Variants in NRXN2 observed in about 807,000 individuals in gnomAD.
NRXN2 encodes neurexin-2-beta.
Under a neutral mutation model 128.8 loss-of-function variants are expected in NRXN2, and 29 were observed. The observed-to-expected ratio is 0.23, with a 90% CI of 0.17 to 0.31. NRXN2 has a LOEUF of 0.31. Among genes scored for constraint, NRXN2 ranks in the 10% least tolerant of loss-of-function variants. The pLI, the probability that NRXN2 is intolerant of heterozygous loss-of-function variation, is 1.00. For missense variants in NRXN2, 1,881 were observed against 2,452.6 expected (o/e 0.77, Z 4.92); for synonymous variants, 1,098 against 1,075.2 (o/e 1.02, Z -0.41).
rs1242014771 is a variant in NRXN2 at position 64,650,593 on chromosome 11, C to T, written c.2964G>A (p.Met988Ile). 4 of 1,614,190 alleles carry T rather than the reference C, an allele frequency of 2.5e-6. No homozygotes were observed. The highest frequency in any genetic ancestry group is 3.4e-6 in the Non-Finnish European group (4 of 1,180,044). Residue 988 changes from methionine to isoleucine, a missense_variant, in exon 15 of 23, where the codon ATG (methionine) becomes ATA (isoleucine). Met to Ile is a conservative substitution (Grantham distance 10). Transcript: ENST00000265459. Reference sequence around the variant, plus strand: ...TGACTGGTTTGTCTGAGTTCCCCTTCATCAAGGACGGGCCATTCCCCAGGT... The same window carrying T: ...TGACTGGTTTGTCTGAGTTCCCCTTTATCAAGGACGGGCCATTCCCCAGGT... The part of the protein sequence containing the change: ...VFDLGNGPSL[M>I]KGNSDKPVND...
chr11:64,641,788 C>T (rs924155873), intron 17 of NRXN2, among the ~76,000 whole-genome samples: 1 of 151,782 alleles, frequency 6.6e-6, no homozygotes, highest in Non-Finnish European at 1.5e-5. Context: ...AGCCTGGAAA[C>T]GGGAAGTGCT....
chr11:64,694,340 G>A (rs2054213684), intron 3 of NRXN2, among the ~76,000 whole-genome samples: 1 of 152,250 alleles, frequency 6.6e-6, no homozygotes, highest in Non-Finnish European at 1.5e-5. Flanking sequence ...GGGCCAGGAT[G>A]GAAGTAGCAA....
At chr11:64,711,516 C>T (rs60758416) in intron 2 of NRXN2, among the ~76,000 whole-genome samples, 4,555 of 152,170 alleles carry the variant, frequency 0.03, 204 homozygotes, top group African/African-American at 0.1. Flanking sequence ...ACAGCCCCGC[C>T]CCGGGCCGCT....
intron 19 of NRXN2, among the ~76,000 whole-genome samples, chr11:64,629,052 C>T (rs757629693): frequency 6.6e-6 from 1 of 152,184 alleles, no homozygotes; most frequent in South Asian, 2.1e-4. Context: ...TACAAGCCTG[C>T]GTAATTGGTG....
intron 19 of NRXN2, among the ~76,000 whole-genome samples, chr11:64,628,698 T>C (rs1386776858): frequency 6.6e-6 from 1 of 152,236 alleles, no homozygotes; most frequent in East Asian, 1.9e-4. Context: ...GCTACAAAGG[T>C]TGCCCTAGTA....
At position 64,696,528 on chromosome 11, in the gene NRXN2, T is replaced by TACATACACAC. The variant is rs147882738; in HGVS notation, c.748+1246_748+1247insGTGTGTATGT. Among the ~76,000 whole-genome samples the TACATACACAC allele has an allele frequency of 2.2e-5, 3 of 138,864 alleles. No homozygotes were observed. The East Asian group carries it at 6.4e-4, about 29-fold the overall frequency. The allele number at this position is 138,864 out of a possible 152,430, so 91.1% of individuals were successfully genotyped here. A position where few individuals can be genotyped will look rare whatever the true frequency, so the allele number is the denominator to read the frequency against. On this transcript the variant is annotated intron_variant, in intron 3 of 22. Transcript: ENST00000265459. ...ACATACATACCCACACATACATACA[T>TACATACACAC]ACACACACACACACACACACACACA...
At position 64,685,661 on chromosome 11, in the gene NRXN2, G is replaced by C. The variant is rs1387830439; in HGVS notation, c.1137C>G (p.Thr379=). The stretch of plus-strand genomic sequence containing the variant: ...CTCCTCCTACCTGGCGCAGGTTTCG[G>C]GTGACCCGGACGTCGTGCCAGGCGT... ...NDNAWHDVRV[T]RNLRQHAGIG... Residue 379 remains threonine (T), a synonymous_variant, in exon 6 of 23, where the codon ACC becomes ACG. Coordinates refer to ENST00000265459, the MANE Select transcript of NRXN2 (RefSeq NM_015080.4). 3.7e-6 allele frequency: 6 copies of C among 1,614,102 alleles called. No individual in the cohort carries two copies. Among genetic ancestry groups the C allele is most frequent in the Non-Finnish European group, 5.1e-6 (6 of 1,180,062 alleles).
intron 7 of NRXN2, 51 bp from the exon 8 acceptor site, chr11:64,668,655 TC>T (rs1454053580): frequency 6.2e-7 from 1 of 1,605,476 alleles, no homozygotes; most frequent in Non-Finnish European, 8.5e-7. Context: ...CAACATCAAA[TC>T]CCTAGGAAGA....
intron 18 of NRXN2, among the ~76,000 whole-genome samples, chr11:64,633,369 TCTC>T (rs1400219938): frequency 6.6e-6 from 1 of 152,168 alleles, no homozygotes; most frequent in Non-Finnish European, 1.5e-5. Flanking sequence ...ACATAAGTGA[TCTC>T]CTTCAACCTC....
intron 6 of NRXN2, among the ~76,000 whole-genome samples, chr11:64,682,233 C>T (rs1298806843): frequency 6.7e-6 from 1 of 149,052 alleles, no homozygotes; most frequent in Non-Finnish European, 1.5e-5. Context: ...GGGGCAGTCC[C>T]CCATTATTGG....
intron 1 of NRXN2, among the ~76,000 whole-genome samples, chr11:64,722,520 C>T (rs1204589940): frequency 6.6e-6 from 1 of 151,846 alleles, no homozygotes; most frequent in Non-Finnish European, 1.5e-5. Flanking sequence ...TCCCTCTCCA[C>T]TTCTCTCTCT....
Position 64,632,087 on chromosome 11 carries a change from G to A in NRXN2, c.3586-1514C>T, listed in dbSNP as rs1049301296. On this transcript the variant is annotated intron_variant, in intron 18 of 22. Coordinates refer to ENST00000265459, the MANE Select transcript of NRXN2 (RefSeq NM_015080.4). The surrounding 1 kb of genome is among the most constrained non-coding windows in gnomAD (Gnocchi z 4.2). ...ATCTAGCAGAGCCGAGAGGCTTGGT[G>A]GCACTGGGGGTGTTGGCAGGGGTGG... 6.6e-5 allele frequency among the ~76,000 whole-genome samples: 10 copies of A among 152,348 alleles called. No homozygotes were observed. The highest frequency in any genetic ancestry group is 3.4e-3 in the Middle Eastern group (1 of 294).
chr11:64,639,101 T>C (rs890234517), intron 17 of NRXN2, among the ~76,000 whole-genome samples: 2 of 152,208 alleles, frequency 1.3e-5, no homozygotes, highest in Non-Finnish European at 2.9e-5. Flanking sequence ...TCTGAAGCCA[T>C]GAAAGAAAAC....
Position 64,607,984 on chromosome 11 carries a change from G to A in NRXN2, c.4351C>T (p.Pro1451Ser), listed in dbSNP as rs1226709495. Residue 1451 changes from proline (P) to serine (S), a missense_variant, in exon 23 of 23, where the codon CCC (proline) becomes TCC (serine). Pro to Ser is a moderately conservative substitution (Grantham distance 74). Coordinates refer to ENST00000265459, the MANE Select transcript of NRXN2 (RefSeq NM_015080.4). ...PFVPPPPTFYPFLTGVGATQD... is the reference protein window; with the variant it reads ...PFVPPPPTFYSFLTGVGATQD... ...GTGGCGCCCACTCCCGTGAGGAAGGGGTAGAAGGTAGGGGGCGGGGGCACG... is the reference window on the plus strand; with the variant it reads ...GTGGCGCCCACTCCCGTGAGGAAGGAGTAGAAGGTAGGGGGCGGGGGCACG... 1 of 1,544,828 alleles carries A rather than the reference G, an allele frequency of 6.5e-7. No homozygotes were observed. The highest frequency in any genetic ancestry group is 1.2e-5 in the South Asian group (1 of 84,632).
intron 19 of NRXN2, among the ~76,000 whole-genome samples, chr11:64,627,166 A>AC (rs973957993): frequency 6.6e-6 from 1 of 151,008 alleles, no homozygotes; most frequent in African/African-American, 2.4e-5. Flanking sequence ...CACACCTATG[A>AC]CCCCGCCACC....
chr11:64,634,421 T>C (rs1422344401), intron 18 of NRXN2, among the ~76,000 whole-genome samples: 2 of 150,624 alleles, frequency 1.3e-5, no homozygotes, highest in Non-Finnish European at 3.0e-5. Context: ...GAGCCAGAGA[T>C]GGGGGAAAGG....
rs1565266940 is a variant in NRXN2 at position 64,642,710 on chromosome 11, G to A, written c.3403+5509C>T. The A allele has an allele frequency of 3.4e-6, 5 of 1,478,864 alleles. No individual in the cohort carries two copies. The highest frequency in any genetic ancestry group is 1.8e-6 in the Non-Finnish European group (2 of 1,113,748). The allele number at this position is 1,478,864 out of a possible 1,614,324, so 91.6% of individuals were successfully genotyped here. A position where few individuals can be genotyped will look rare whatever the true frequency, so the allele number is the denominator to read the frequency against. Reference sequence around the variant, plus strand: ...AACAGCGGCAACAGCGGCAGCAGAGGTGGCGGCGGCGGCGGTGGAGGCGGC... The same window carrying A: ...AACAGCGGCAACAGCGGCAGCAGAGATGGCGGCGGCGGCGGTGGAGGCGGC... On this transcript the variant is annotated intron_variant, in intron 17 of 22. Transcript: ENST00000265459.
At chr11:64,685,617 A>G in intron 6 of NRXN2, 29 bp downstream of exon 6, 1 of 1,613,930 alleles carries the variant, frequency 6.2e-7, no homozygotes, top group Non-Finnish European at 8.5e-7. Flanking sequence ...GGTATAGCTA[A>G]TCCCTGGCCT....
intron 22 of NRXN2, among the ~76,000 whole-genome samples, chr11:64,619,513 C>G (rs1275843148): frequency 6.6e-6 from 1 of 152,100 alleles, no homozygotes; most frequent in Admixed American, 6.5e-5. Flanking sequence ...TGGCTGCACC[C>G]TTGGCTCCAG....
Sources: allele counts gnomAD v4.1 joint callset (sites outside exome capture counted in the v4.1 genomes callset), GRCh38; gene constraint gnomAD v4.1.1; non-coding constraint Gnocchi (gnomAD v3.1); transcripts MANE v1.5; gene names NCBI Gene and HGNC (gene_info 2026-07-23, HGNC 2026-07-21).